Variants in GAB2 observed in about 807,000 individuals in gnomAD.
GAB2 encodes the protein GRB2 associated binding protein 2, also known as GRB2-associated-binding protein 2.
GAB2 carries 26 observed loss-of-function variants against 65.5 expected under a neutral mutation model. That is an observed-to-expected ratio of 0.40 (90% confidence interval 0.29 to 0.55). The LOEUF is 0.55. Among genes scored for constraint, GAB2 ranks in the 20% least tolerant of loss-of-function variants. GAB2 has a pLI of 0.53. For synonymous variants in GAB2, 321 were observed against 329.6 expected (o/e 0.97, Z 0.28); for missense variants, 884 against 875.8 (o/e 1.01, Z -0.12).
At chr11:78,359,053 T>C (rs1021033982) in intron 1 of GAB2, among the ~76,000 whole-genome samples, 1 of 152,170 alleles carries the variant, frequency 6.6e-6, no homozygotes, top group Admixed American at 6.5e-5. Flanking sequence ...CCATAGAATG[T>C]GACCAAGAAC....
intron 1 of GAB2, among the ~76,000 whole-genome samples, chr11:78,320,597 TTTC>T (rs1855703685): frequency 6.6e-6 from 1 of 152,102 alleles, no homozygotes; most frequent in South Asian, 2.1e-4. Context: ...GGGAGATTTT[TTTC>T]TTTTTTGAGA....
chr11:78,385,745 G>A (rs1294751594), intron 1 of GAB2, among the ~76,000 whole-genome samples: 1 of 152,192 alleles, frequency 6.6e-6, no homozygotes, highest in Non-Finnish European at 1.5e-5. Context: ...ACTGAGGAAA[G>A]TTACCATGTA....
At chr11:78,276,518 T>C (rs1590990645) in intron 2 of GAB2, among the ~76,000 whole-genome samples, 1 of 152,216 alleles carries the variant, frequency 6.6e-6, no homozygotes, top group African/African-American at 2.4e-5. Context: ...ATTCCCGTTA[T>C]AGCATGACTC....
intron 1 of GAB2, among the ~76,000 whole-genome samples, chr11:78,339,966 GCTT>G (rs1028330476): frequency 2.0e-5 from 3 of 152,166 alleles, no homozygotes; most frequent in African/African-American, 7.2e-5. Flanking sequence ...GCAAATGAGT[GCTT>G]TTTTGACTAC....
At chr11:78,237,176 C>G (rs1215763108) in intron 3 of GAB2, among the ~76,000 whole-genome samples, 1 of 152,124 alleles carries the variant, frequency 6.6e-6, no homozygotes, top group Non-Finnish European at 1.5e-5. Flanking sequence ...GCATAGTTTT[C>G]TAGGTATTTG....
chr11:78,271,584 T>G (rs902866194), intron 2 of GAB2, among the ~76,000 whole-genome samples: 10 of 152,138 alleles, frequency 6.6e-5, no homozygotes, highest in Non-Finnish European at 1.2e-4. Flanking sequence ...GCAGTAGAAA[T>G]AAGAATCTGG....
At chr11:78,417,086 A>T (rs1396705251) in intron 1 of GAB2, among the ~76,000 whole-genome samples, 1 of 152,172 alleles carries the variant, frequency 6.6e-6, no homozygotes, top group Non-Finnish European at 1.5e-5. Flanking sequence ...CAAATGAGTC[A>T]CTTAATACAA....
chr11:78,262,466 T>C (rs1865759594), intron 2 of GAB2, among the ~76,000 whole-genome samples: 1 of 152,218 alleles, frequency 6.6e-6, no homozygotes, highest in Admixed American at 6.5e-5. Flanking sequence ...TCTTGAACTC[T>C]GTGTTCCCAG....
chr11:78,261,073 A>ATG (rs1240786608), intron 2 of GAB2, among the ~76,000 whole-genome samples: 3 of 136,402 alleles, frequency 2.2e-5, no homozygotes, highest in African/African-American at 9.7e-5. Context: ...GTATGTATAT[A>ATG]TATATGTGTG....
rs141922726 is a variant in GAB2 at position 78,336,005 on chromosome 11, G to A, written c.76-55104C>T. Among the ~76,000 whole-genome samples, 974 of 151,840 alleles carry A rather than the reference G, an allele frequency of 6.4e-3. 10 individuals carry two copies. The highest frequency in any genetic ancestry group is 0.022 in the African/African-American group (916 of 41,406). The stretch of plus-strand genomic sequence containing the variant: ...TTTTATTTGTGGCTACTATAAATGG[G>A]ATTACTTTTTAAAAAATTATTTTCC... On this transcript the variant is annotated intron_variant, in intron 1 of 9. Coordinates refer to ENST00000361507, the MANE Select transcript of GAB2 (RefSeq NM_080491.3).
chr11:78,358,632 C>G (rs1270246723), intron 1 of GAB2, among the ~76,000 whole-genome samples: 1 of 151,946 alleles, frequency 6.6e-6, no homozygotes, highest in Non-Finnish European at 1.5e-5. Context: ...CTGGAGGCAG[C>G]AGCCTCTAAT....
At chr11:78,256,275 A>G (rs371396630) in intron 2 of GAB2, among the ~76,000 whole-genome samples, 2 of 152,220 alleles carry the variant, frequency 1.3e-5, no homozygotes, top group Admixed American at 1.3e-4. Flanking sequence ...CCTTCAAAAT[A>G]TTACGCTAAG....
chr11:78,328,955 A>C (rs1473790104), intron 1 of GAB2, among the ~76,000 whole-genome samples: 1 of 152,212 alleles, frequency 6.6e-6, no homozygotes, highest in Non-Finnish European at 1.5e-5. Flanking sequence ...ACAGATGTGG[A>C]ACTCTAGGGA....
intron 1 of GAB2, among the ~76,000 whole-genome samples, chr11:78,413,957 G>A (rs1857160956): frequency 6.6e-6 from 1 of 151,958 alleles, no homozygotes; most frequent in Non-Finnish European, 1.5e-5. Flanking sequence ...GTGTGGTGAT[G>A]CATGCCTGTA....
chr11:78,315,939 C>T (rs1209114761), intron 1 of GAB2, among the ~76,000 whole-genome samples: 3 of 152,128 alleles, frequency 2.0e-5, no homozygotes, highest in South Asian at 2.1e-4. Flanking sequence ...TATGGTTGGG[C>T]ACCATCCTAC....
rs1565168352 is a variant in GAB2, at chr11:78,346,722, A to ATATATT, written c.76-65822_76-65821insAATATA. ...ATATATATATATATATATATATATAATTTTTTTTTTTTTTAGGAAAAGAAA... is the reference window on the plus strand; with the variant it reads ...ATATATATATATATATATATATATAATATATTTTTTTTTTTTTTTTAGGAAAAGAAA... On this transcript the variant is annotated intron_variant, in intron 1 of 9. Transcript: ENST00000361507. Among the ~76,000 whole-genome samples the ATATATT allele has an allele frequency of 2.2e-3, 68 of 30,768 alleles. 1 individual carries two copies. Among genetic ancestry groups the ATATATT allele is most frequent in the African/African-American group, 2.5e-3 (15 of 6,076 alleles). The allele number at this position is 30,768 out of a possible 152,430, so 20.2% of individuals were successfully genotyped here. A position where few individuals can be genotyped will look rare whatever the true frequency, so the allele number is the denominator to read the frequency against.
At chr11:78,393,584 C>A (rs539052212) in intron 1 of GAB2, among the ~76,000 whole-genome samples, 1 of 152,272 alleles carries the variant, frequency 6.6e-6, no homozygotes, top group South Asian at 2.1e-4. Flanking sequence ...CATCAAAAAG[C>A]CTTACAAATA....
rs114848345 is a variant in GAB2 at position 78,225,211 on chromosome 11, G to A, written c.1208-9C>T. On this transcript the variant is annotated splice_polypyrimidine_tract_variant and intron_variant, in intron 4 of 9. Transcript: ENST00000361507. The stretch of plus-strand genomic sequence containing the variant: ...GGTCTCACAGGAAGAAGCTGACAGA[G>A]GAAGGAGGATTCATAAGTACTCATG... The A allele has an allele frequency of 6.3e-7, 1 of 1,580,272 alleles. No individual in the cohort carries two copies. The highest frequency in any genetic ancestry group is 8.7e-7 in the Non-Finnish European group (1 of 1,149,262).
intron 3 of GAB2, among the ~76,000 whole-genome samples, chr11:78,238,480 C>G (rs1408555815): frequency 7.0e-6 from 1 of 143,126 alleles, no homozygotes; most frequent in Non-Finnish European, 1.5e-5. Context: ...GAGACCCTGT[C>G]TCTTAAAAAA....
Sources: allele counts gnomAD v4.1 joint callset (sites outside exome capture counted in the v4.1 genomes callset), GRCh38; gene constraint gnomAD v4.1.1; transcripts MANE v1.5; gene names NCBI Gene and HGNC (gene_info 2026-07-23, HGNC 2026-07-21).